Variants in CLYBL observed in about 807,000 individuals in gnomAD.
CLYBL encodes the protein citramalyl-CoA lyase.
Under a neutral mutation model 38.9 loss-of-function variants are expected in CLYBL, and 31 were observed. The observed-to-expected ratio is 0.80, with a 90% CI of 0.60 to 1.08. The LOEUF is 1.08. CLYBL is among the 50% of genes least tolerant of loss of function. The pLI, the probability that CLYBL is intolerant of heterozygous loss-of-function variation, is 0.00. For missense variants in CLYBL, 434 were observed against 411.6 expected (o/e 1.05, Z -0.47); for synonymous variants, 171 against 158.6 (o/e 1.08, Z -0.59).
intron 1 of CLYBL, among the ~76,000 whole-genome samples, chr13:99,629,459 A>G (rs1257121095): frequency 2.0e-5 from 3 of 151,696 alleles, no homozygotes; most frequent in Admixed American, 6.6e-5. Context: ...CCCCTCCCCT[A>G]TCTGGGCAGC....
intron 1 of CLYBL, among the ~76,000 whole-genome samples, chr13:99,704,217 T>C (rs533728352): frequency 3.3e-5 from 5 of 152,250 alleles, no homozygotes; most frequent in Non-Finnish European, 5.9e-5. Context: ...TTTTCCTTTA[T>C]CTGACACATT....
At chr13:99,886,757 G>C (rs910264203) in intron 7 of CLYBL, among the ~76,000 whole-genome samples, 5 of 152,218 alleles carry the variant, frequency 3.3e-5, no homozygotes, top group African/African-American at 1.2e-4. Context: ...GCCATGGCAG[G>C]CCCTCAGATC....
chr13:99,727,095 G>T (rs1400109949), intron 1 of CLYBL: 1 of 151,494 alleles, frequency 6.6e-6, no homozygotes, highest in Non-Finnish European at 1.5e-5. Flanking sequence ...GGAGGCGGAG[G>T]TTGCAGTGAG....
intron 1 of CLYBL, among the ~76,000 whole-genome samples, chr13:99,747,503 C>A (rs1196350165): frequency 6.6e-6 from 1 of 152,070 alleles, no homozygotes; most frequent in African/African-American, 2.4e-5. Flanking sequence ...TGAGGTGGAG[C>A]CACTCCGGGA....
At chr13:99,664,380 A>G (rs1267001330) in intron 1 of CLYBL, among the ~76,000 whole-genome samples, 1 of 152,252 alleles carries the variant, frequency 6.6e-6, no homozygotes, top group African/African-American at 2.4e-5. Context: ...GCCAGTTGCA[A>G]AATGCTGCTT....
downstream of CLYBL, among the ~76,000 whole-genome samples, chr13:99,898,991 C>G (rs2052612993): frequency 1.3e-5 from 2 of 152,212 alleles, no homozygotes. Context: ...GGACCTGAGT[C>G]TCCCTCCTCC....
intron 3 of CLYBL, among the ~76,000 whole-genome samples, chr13:99,859,917 C>T (rs568923574): frequency 1.3e-5 from 2 of 152,020 alleles, no homozygotes; most frequent in Admixed American, 6.5e-5. Context: ...GTGGTCGGGG[C>T]GAGTGGGCAG....
chr13:99,744,077 A>C (rs1408194528), intron 1 of CLYBL, among the ~76,000 whole-genome samples: 3 of 144,504 alleles, frequency 2.1e-5, no homozygotes, highest in Non-Finnish European at 4.5e-5. Context: ...GGTTCACAGC[A>C]TTCTCCTGCC....
At chr13:99,655,863 C>T (rs1239277497) in intron 1 of CLYBL, among the ~76,000 whole-genome samples, 3 of 152,168 alleles carry the variant, frequency 2.0e-5, no homozygotes, top group Admixed American at 6.5e-5. Flanking sequence ...GCCCAGTCAT[C>T]GAGTTAATTA....
At chr13:99,862,209 A>G (rs1350367086) in intron 3 of CLYBL, among the ~76,000 whole-genome samples, 1 of 152,200 alleles carries the variant, frequency 6.6e-6, no homozygotes, top group Admixed American at 6.5e-5. Flanking sequence ...TACCTTTATC[A>G]TACCTGTGTT....
At chr13:99,622,761 T>C (rs562689563) in intron 1 of CLYBL, among the ~76,000 whole-genome samples, 4 of 152,202 alleles carry the variant, frequency 2.6e-5, no homozygotes, top group South Asian at 2.1e-4. Context: ...GCATTTACCA[T>C]TCCTTTGTAT....
At position 99,891,308 on chromosome 13, in the gene CLYBL, TG is replaced by T; in HGVS notation, c.928-9del. 1 of 1,599,620 alleles carries T rather than the reference TG, an allele frequency of 6.3e-7. No homozygotes were observed. The highest frequency in any genetic ancestry group is 2.2e-5 in the East Asian group (1 of 44,808). On this transcript the variant is annotated splice_polypyrimidine_tract_variant and intron_variant, in intron 7 of 8. Transcript: ENST00000339105. ...ATTCTTTCAGGAAGTTTGTATTCTC[TG>T]TTTTCCAGGGGGCCTTTACTTTCCA...
At chr13:99,784,742 C>A (rs1173543085) in intron 2 of CLYBL, among the ~76,000 whole-genome samples, 2 of 152,100 alleles carry the variant, frequency 1.3e-5, no homozygotes, top group African/African-American at 4.8e-5. Context: ...GCGTAGGCCA[C>A]CGTGCCCAGC....
chr13:99,824,004 C>G (rs548328181), intron 2 of CLYBL, among the ~76,000 whole-genome samples: 2 of 152,248 alleles, frequency 1.3e-5, no homozygotes, highest in Non-Finnish European at 2.9e-5. Flanking sequence ...AGTACATCCT[C>G]TAGTCACTTC....
At chr13:99,607,931 AC>A (rs761402677) in intron 1 of CLYBL, among the ~76,000 whole-genome samples, 1 of 151,966 alleles carries the variant, frequency 6.6e-6, no homozygotes, top group African/African-American at 2.4e-5. Flanking sequence ...TTTAGTAGAG[AC>A]AGAGTTTCGC....
intron 1 of CLYBL, among the ~76,000 whole-genome samples, chr13:99,711,877 G>A (rs914538147): frequency 1.3e-5 from 2 of 151,392 alleles, no homozygotes; most frequent in Admixed American, 6.6e-5. Flanking sequence ...CATCACGCCC[G>A]GCTAATTTTT....
downstream of CLYBL, among the ~76,000 whole-genome samples, chr13:99,897,945 A>AAAAGAAAG (rs113879061): frequency 2.3e-3 from 346 of 151,940 alleles, 1 homozygote; most frequent in African/African-American, 7.0e-3. Flanking sequence ...CGTCTCAAAA[A>AAAAGAAAG]AAAGAAAGAA....
intron 6 of CLYBL, among the ~76,000 whole-genome samples, chr13:99,868,834 A>C (rs750660437): frequency 6.6e-6 from 1 of 152,216 alleles, no homozygotes; most frequent in Non-Finnish European, 1.5e-5. Flanking sequence ...AAGATTATAA[A>C]TATGAAGCAC....
At chr13:99,888,676 G>A (rs1169277689) in intron 7 of CLYBL, among the ~76,000 whole-genome samples, 1 of 152,140 alleles carries the variant, frequency 6.6e-6, no homozygotes, top group African/African-American at 2.4e-5. Flanking sequence ...TCGAACCCGG[G>A]AGGCGGAGGT....
Sources: gnomAD v4.1 joint callset for allele counts (sites outside exome capture counted in the v4.1 genomes callset) on GRCh38, gnomAD v4.1.1 for gene constraint, MANE v1.5 for transcripts, NCBI Gene and HGNC (gene_info 2026-07-23, HGNC 2026-07-21) for gene names.